CYP39A1: variants seen among roughly 807,000 people sequenced by gnomAD.
The protein encoded by CYP39A1 is cytochrome P450 family 39 subfamily A member 1, also known as 24-hydroxycholesterol 7-alpha-hydroxylase.
In CYP39A1, 49 loss-of-function variants were observed where a neutral mutation model predicts 58.1. The observed-to-expected ratio is 0.84, with a 90% CI of 0.67 to 1.07. CYP39A1 has a LOEUF of 1.07. Ranked by LOEUF, CYP39A1 falls within the 50% of genes least tolerant of loss-of-function variation. CYP39A1 has a pLI of 0.00. For missense variants in CYP39A1, 531 were observed against 539.4 expected (o/e 0.98, Z 0.16); for synonymous variants, 209 against 187.6 (o/e 1.11, Z -0.93).
At chr6:46,650,149 T>C (rs144149502) in intron 1 of CYP39A1, among the ~76,000 whole-genome samples, 11 of 137,680 alleles carry the variant, frequency 8.0e-5, no homozygotes, top group Admixed American at 3.1e-4. Context: ...CATACACACA[T>C]ACACACCTTG....
intron 10 of CYP39A1, among the ~76,000 whole-genome samples, chr6:46,570,176 T>C (rs1449849362): frequency 6.6e-6 from 1 of 152,166 alleles, no homozygotes; most frequent in African/African-American, 2.4e-5. Flanking sequence ...TGATCCTATG[T>C]GTTATCTGTT....
chr6:46,550,315 G>C lies in CYP39A1; in HGVS notation c.*51C>G, dbSNP rs1193267805. ...CTCAGGTCTAGGTGCTGCCAGGTGG[G>C]GTAGTGCCACTCCTCCAGAAGGCCC... On this transcript the variant is annotated 3_prime_UTR_variant, in exon 12 of 12. Coordinates refer to ENST00000275016, the MANE Select transcript of CYP39A1 (RefSeq NM_016593.5). 8 of 1,489,664 alleles carry C rather than the reference G, an allele frequency of 5.4e-6. No homozygotes were observed. The highest frequency in any genetic ancestry group is 1.4e-5 in the African/African-American group (1 of 71,924). 92.3% of individuals were successfully genotyped at this position (1,489,664 alleles called of 1,614,324 possible).
At chr6:46,636,951 T>C (rs1465031620) in intron 4 of CYP39A1, among the ~76,000 whole-genome samples, 2 of 152,204 alleles carry the variant, frequency 1.3e-5, no homozygotes, top group African/African-American at 4.8e-5. Context: ...AATCTTTATA[T>C]GTTGAAATCC....
chr6:46,592,409 A>G (rs1399392198), intron 8 of CYP39A1, among the ~76,000 whole-genome samples: 1 of 152,208 alleles, frequency 6.6e-6, no homozygotes, highest in Non-Finnish European at 1.5e-5. Context: ...CAGCAAAAAC[A>G]TTCCACCTGT....
intron 7 of CYP39A1, among the ~76,000 whole-genome samples, chr6:46,612,257 A>C (rs1395596890): frequency 1.3e-5 from 2 of 152,154 alleles, no homozygotes. Flanking sequence ...GGAAGAAATA[A>C]AGCTTCCTGA....
At chr6:46,562,204 G>A (rs909618428) in intron 10 of CYP39A1, among the ~76,000 whole-genome samples, 2 of 151,996 alleles carry the variant, frequency 1.3e-5, no homozygotes, top group African/African-American at 4.8e-5. Flanking sequence ...TGTATTTTTA[G>A]TACAGATGGT....
chr6:46,596,153 A>T lies in CYP39A1; in HGVS notation c.932-33T>A, dbSNP rs772403825. ...AAAATTTTTAATGAGAAATAAATAG[A>T]CTACAGAGGTCAGAAAGTGATTTCA... On this transcript the variant is annotated intron_variant, in intron 7 of 11. Coordinates refer to ENST00000275016, the MANE Select transcript of CYP39A1 (RefSeq NM_016593.5). 5.2e-5 allele frequency: 81 copies of T among 1,543,936 alleles called. No individual in the cohort carries two copies. The Middle Eastern group carries it at 8.6e-4, about 16-fold the overall frequency.
chr6:46,637,717 G>A (rs1488685314), intron 4 of CYP39A1, 112 bp downstream of exon 4: 49 of 1,123,070 alleles, frequency 4.4e-5, no homozygotes, highest in Non-Finnish European at 5.6e-5. Flanking sequence ...ATAAGAAACG[G>A]CTTCTCTCCC....
chr6:46,623,183 G>C (rs1050562426), intron 7 of CYP39A1, among the ~76,000 whole-genome samples: 2 of 144,944 alleles, frequency 1.4e-5, no homozygotes, highest in Non-Finnish European at 3.0e-5. Flanking sequence ...TAACTTGACT[G>C]GATCGGGGGT....
intron 7 of CYP39A1, among the ~76,000 whole-genome samples, chr6:46,621,958 T>C (rs144666152): frequency 1.3e-3 from 200 of 152,230 alleles, no homozygotes; most frequent in African/African-American, 4.2e-3. Flanking sequence ...AAATTATACA[T>C]GAGGATTAAG....
intron 7 of CYP39A1, among the ~76,000 whole-genome samples, chr6:46,600,755 C>A (rs1456799734): frequency 6.6e-6 from 1 of 152,154 alleles, no homozygotes; most frequent in Admixed American, 6.5e-5. Context: ...CAAACCTTGC[C>A]CTATGTGCTT....
chr6:46,616,807 A>G (rs947853363), intron 7 of CYP39A1, among the ~76,000 whole-genome samples: 6 of 152,144 alleles, frequency 3.9e-5, no homozygotes, highest in Non-Finnish European at 5.9e-5. Flanking sequence ...CAGATGACAA[A>G]GAGTCTCTGA....
chr6:46,613,952 A>C (rs958818249), intron 7 of CYP39A1, among the ~76,000 whole-genome samples: 2 of 146,336 alleles, frequency 1.4e-5, no homozygotes, highest in East Asian at 2.0e-4. Context: ...AAAAAAAAAA[A>C]CCCACCACAT....
At chr6:46,586,830 G>C (rs980465732) in intron 10 of CYP39A1, among the ~76,000 whole-genome samples, 1 of 152,060 alleles carries the variant, frequency 6.6e-6, no homozygotes, top group Non-Finnish European at 1.5e-5. Flanking sequence ...AACCATAAAC[G>C]CTGCTTTGAT....
chr6:46,550,224 T>G lies in CYP39A1; in HGVS notation c.*142A>C. 2 of 564,496 alleles carry G rather than the reference T, an allele frequency of 3.5e-6. No homozygotes were observed. Among genetic ancestry groups the G allele is most frequent in the Admixed American group, 3.6e-5 (1 of 27,740 alleles). The allele number at this position is 564,496 out of a possible 1,614,324, so 35.0% of individuals were successfully genotyped here. A position where few individuals can be genotyped will look rare whatever the true frequency, so the allele number is the denominator to read the frequency against. ...TCTACTGTTGAAGATACCAAACACA[T>G]GCACCATTTGAATGTGTTCTTGAAC... On this transcript the variant is annotated 3_prime_UTR_variant, in exon 12 of 12. Coordinates refer to ENST00000275016, the MANE Select transcript of CYP39A1 (RefSeq NM_016593.5).
In CYP39A1 at chr6:46,637,998, CA is replaced by C; in HGVS notation, c.489-21del. The stretch of plus-strand genomic sequence containing the variant: ...AGATGTCTACAAAGACAGAAACACA[CA>C]AAAAGTCAGACCCGAAGACCAAAGA... On this transcript the variant is annotated intron_variant, in intron 3 of 11. Coordinates refer to ENST00000275016, the MANE Select transcript of CYP39A1 (RefSeq NM_016593.5). 1 of 1,580,002 alleles carries C rather than the reference CA, an allele frequency of 6.3e-7. No homozygotes were observed. Among genetic ancestry groups the C allele is most frequent in the Non-Finnish European group, 8.5e-7 (1 of 1,170,404 alleles).
At chr6:46,599,310 A>C (rs1422997867) in intron 7 of CYP39A1, among the ~76,000 whole-genome samples, 1 of 150,834 alleles carries the variant, frequency 6.6e-6, no homozygotes, top group African/African-American at 2.5e-5. Context: ...GACAGTGACC[A>C]GACGGGGGAG....
intron 7 of CYP39A1, among the ~76,000 whole-genome samples, chr6:46,605,817 C>G (rs1383418846): frequency 6.6e-6 from 1 of 152,198 alleles, no homozygotes; most frequent in African/African-American, 2.4e-5. Flanking sequence ...AATTTAAATT[C>G]TAGATCTTAC....
chr6:46,586,286 AT>A, intron 10 of CYP39A1: 3 of 981,856 alleles, frequency 3.1e-6, no homozygotes, highest in Non-Finnish European at 3.6e-6. Flanking sequence ...AAATATAAAA[AT>A]TTAATGGATT....
Sources: allele counts gnomAD v4.1 joint callset (sites outside exome capture counted in the v4.1 genomes callset), GRCh38; gene constraint gnomAD v4.1.1; transcripts MANE v1.5; gene names NCBI Gene and HGNC (gene_info 2026-07-23, HGNC 2026-07-21).